The following DDX42 variants were observed in gnomAD, a reference collection of about 807,000 sequenced individuals.
DDX42 encodes the protein ATP-dependent RNA helicase DDX42.
Under a neutral mutation model 101.5 loss-of-function variants are expected in DDX42, and 22 were observed. The observed-to-expected ratio is 0.22, with a 90% CI of 0.15 to 0.31. The LOEUF (loss-of-function observed/expected upper bound fraction) is 0.31, where lower values mean the gene tolerates loss of function less well. DDX42 is among the 10% of genes least tolerant of loss of function. DDX42 has a pLI of 1.00. For synonymous variants in DDX42, 402 were observed against 401.2 expected (o/e 1.00, Z -0.02); for missense variants, 849 against 1,199.9 (o/e 0.71, Z 4.32).
At chr17:63,778,305 TCCA>T (rs963430975) in intron 1 of DDX42, among the ~76,000 whole-genome samples, 1 of 152,190 alleles carries the variant, frequency 6.6e-6, no homozygotes, top group African/African-American at 2.4e-5. Context: ...TGGATGTACA[TCCA>T]CATTACTTTT....
At chr17:63,775,445 G>T (rs1211035596) in intron 1 of DDX42, among the ~76,000 whole-genome samples, 1 of 152,154 alleles carries the variant, frequency 6.6e-6, no homozygotes, top group Non-Finnish European at 1.5e-5. Context: ...GTTAGAAGAT[G>T]ATCAGTATCT....
At position 63,811,493 on chromosome 17, in the gene DDX42, C is replaced by T. The variant is rs188086844; in HGVS notation, c.1398+320C>T. On this transcript the variant is annotated intron_variant, in intron 13 of 17. Transcript: ENST00000389924. ...AAAAAGATGTGCCTGGAAGCATCAG[C>T]GTATTAGGTTGGAACTGACGTTTTA... The T allele has an allele frequency of 3.9e-5, 14 of 356,714 alleles. No homozygotes were observed. In the South Asian group the frequency reaches 5.3e-4, roughly 13 times the overall value. 22.1% of individuals were successfully genotyped at this position (356,714 alleles called of 1,614,324 possible).
intron 12 of DDX42, 81 bp downstream of exon 12, chr17:63,810,641 A>G: frequency 1.5e-6 from 2 of 1,369,948 alleles, no homozygotes; most frequent in Non-Finnish European, 2.1e-6. Flanking sequence ...AGAGTTATGG[A>G]AGTAAAAATG....
At chr17:63,810,856 A>T (rs538381575) in intron 12 of DDX42, among the ~76,000 whole-genome samples, 3 of 152,254 alleles carry the variant, frequency 2.0e-5, no homozygotes, top group Non-Finnish European at 1.5e-5. Context: ...TGAAATCAAG[A>T]GTCTTTTTCT....
chr17:63,808,734 C>G, intron 9 of DDX42, 86 bp from the exon 10 acceptor site: 3 of 1,540,374 alleles, frequency 1.9e-6, no homozygotes, highest in Middle Eastern at 1.8e-4. Context: ...TATGACATCA[C>G]ATTCTGTTTT....
intron 1 of DDX42, among the ~76,000 whole-genome samples, chr17:63,779,549 C>T (rs1254240698): frequency 1.3e-5 from 2 of 152,088 alleles, no homozygotes; most frequent in African/African-American, 4.8e-5. Flanking sequence ...CAGTTGTGAG[C>T]CACTGTGCCC....
At chr17:63,797,928 C>A in intron 3 of DDX42, 110 bp from the exon 4 acceptor site, 2 of 944,236 alleles carry the variant, frequency 2.1e-6, no homozygotes, top group South Asian at 1.8e-5. Context: ...CATCAAAATG[C>A]ACTTGTCAAA....
chr17:63,805,411 A>G (rs1358436181), intron 7 of DDX42: 2 of 463,938 alleles, frequency 4.3e-6, no homozygotes, highest in African/African-American at 2.1e-5. Context: ...TCAGTTTTAT[A>G]TGTTCTGTGC....
Position 63,818,101 on chromosome 17 carries a change from T to C in DDX42, c.2520T>C (p.His840=). 1.9e-6 allele frequency: 3 copies of C among 1,613,734 alleles called. No homozygotes were observed. The highest frequency in any genetic ancestry group is 2.5e-6 in the Non-Finnish European group (3 of 1,179,950). The change falls in exon 18 of 18, where the codon CAT becomes CAC. Residue 840 remains histidine (H), a synonymous_variant. Transcript: ENST00000389924. The part of the protein sequence containing the change: ...DSPRHGDGGR[H]GDGYRHPESS... ...CACGTCACGGAGATGGTGGTCGCCA[T>C]GGAGATGGATACCGCCATCCAGAAA...
intron 8 of DDX42, among the ~76,000 whole-genome samples, chr17:63,807,156 T>C (rs756237683): frequency 5.3e-5 from 8 of 152,202 alleles, no homozygotes; most frequent in Non-Finnish European, 7.3e-5. Flanking sequence ...TTTGTTTTTT[T>C]TGGGGACAGA....
In DDX42 at chr17:63,813,206, ATT is replaced by A; in HGVS notation, c.1676-20_1676-19del. Reference sequence around the variant, plus strand: ...CTGACTACAGATGAAGAATAAAAGAATTTGGTTGCTTTTTATTTCAGCCCGTG... The same window carrying A: ...CTGACTACAGATGAAGAATAAAAGAATGGTTGCTTTTTATTTCAGCCCGTG... On this transcript the variant is annotated intron_variant, in intron 14 of 17. Coordinates refer to ENST00000389924, the MANE Select transcript of DDX42 (RefSeq NM_203499.3). 6.4e-7 allele frequency: 1 copy of A among 1,573,672 alleles called. No individual in the cohort carries two copies. The highest frequency in any genetic ancestry group is 1.1e-5 in the South Asian group (1 of 87,944).
intron 8 of DDX42, 115 bp downstream of exon 8, chr17:63,806,769 G>A: frequency 8.7e-7 from 1 of 1,143,972 alleles, no homozygotes; most frequent in South Asian, 2.1e-5. Flanking sequence ...TGTTGATAAG[G>A]ATAGAGGTAT....
intron 14 of DDX42, among the ~76,000 whole-genome samples, chr17:63,812,502 C>A (rs2144586131): frequency 6.6e-6 from 1 of 152,286 alleles, no homozygotes; most frequent in East Asian, 1.9e-4. Flanking sequence ...ATAGTAGATA[C>A]CTTACCCTTA....
intron 2 of DDX42, 102 bp from the exon 3 acceptor site, chr17:63,792,310 C>G: frequency 7.8e-7 from 1 of 1,289,022 alleles, no homozygotes; most frequent in Non-Finnish European, 1.1e-6. Context: ...TGCATTACAT[C>G]TCCTAATAAT....
At chr17:63,803,838 C>T (rs1320612382) in intron 6 of DDX42, among the ~76,000 whole-genome samples, 3 of 151,486 alleles carry the variant, frequency 2.0e-5, no homozygotes, top group African/African-American at 4.8e-5. Context: ...TTGGTAGAGA[C>T]GGGCTTTCAC....
At chr17:63,775,409 A>G (rs1361751630) in intron 1 of DDX42, among the ~76,000 whole-genome samples, 1 of 152,186 alleles carries the variant, frequency 6.6e-6, no homozygotes, top group Non-Finnish European at 1.5e-5. Context: ...GAGGAGAGGC[A>G]AACAGATACA....
intron 6 of DDX42, among the ~76,000 whole-genome samples, chr17:63,804,436 G>A (rs959849453): frequency 2.6e-5 from 4 of 152,068 alleles, no homozygotes; most frequent in Non-Finnish European, 5.9e-5. Context: ...TTTTTTAAAA[G>A]TTATAAACAA....
chr17:63,790,305 T>C (rs1160400045), intron 2 of DDX42, among the ~76,000 whole-genome samples: 2 of 152,192 alleles, frequency 1.3e-5, no homozygotes, highest in Non-Finnish European at 2.9e-5. Context: ...AGTTACTATA[T>C]AAAGGAGTTG....
chr17:63,776,205 C>T (rs771477355), intron 1 of DDX42: 2 of 152,358 alleles, frequency 1.3e-5, no homozygotes, highest in South Asian at 4.1e-4. Context: ...TAGATCATAT[C>T]TTATTTTCCG....
Sources: allele counts gnomAD v4.1 joint callset (sites outside exome capture counted in the v4.1 genomes callset), GRCh38; gene constraint gnomAD v4.1.1; transcripts MANE v1.5; gene names NCBI Gene and HGNC (gene_info 2026-07-23, HGNC 2026-07-21).